MAP2: variants seen among roughly 807,000 people sequenced by gnomAD.
MAP2 encodes microtubule associated protein 2, also known as microtubule-associated protein 2.
In MAP2, 14 loss-of-function variants were observed where a neutral mutation model predicts 137.6. That is an observed-to-expected ratio of 0.10 (90% CI 0.07 to 0.16). The LOEUF (loss-of-function observed/expected upper bound fraction) is 0.16. Among genes scored for constraint, MAP2 ranks in the 10% least tolerant of loss-of-function variants. MAP2 has a pLI of 1.00. For missense variants in MAP2, 2,088 were observed against 2,191.5 expected (o/e 0.95, Z 0.94); for synonymous variants, 786 against 782.3 (o/e 1.00, Z -0.08).
chr2:209,725,860 T>C, intron 14 of MAP2, 70 bp downstream of exon 14: 1 of 990,450 alleles, frequency 1.0e-6, no homozygotes, highest in Non-Finnish European at 1.5e-6. Flanking sequence ...GAAAATTTTT[T>C]GTTGTTGCAA....
At chr2:209,716,813 G>A (rs73074716) in intron 13 of MAP2, among the ~76,000 whole-genome samples, 10,979 of 152,028 alleles carry the variant, frequency 0.072, 754 homozygotes, top group African/African-American at 0.18. Context: ...CATTTAAATA[G>A]ACTCTTAAAT....
rs552227651 is a variant in MAP2, at chr2:209,592,288, C to T, written c.-107+12188C>T. 1.2e-4 allele frequency among the ~76,000 whole-genome samples: 18 copies of T among 152,216 alleles called. 1 individual carries two copies. In the South Asian group the frequency reaches 1.9e-3, roughly 16 times the overall value. ...TAGATAATAAGTAAATGAATAGGCA[C>T]GGCTGTGTTTCAATAAAACATTATT... On this transcript the variant is annotated intron_variant, in intron 3 of 15. Transcript: ENST00000682079.
At chr2:209,599,374 C>A (rs1488825705) in intron 3 of MAP2, among the ~76,000 whole-genome samples, 1 of 152,046 alleles carries the variant, frequency 6.6e-6, no homozygotes, top group Non-Finnish European at 1.5e-5. Flanking sequence ...ATTCTCTTCT[C>A]TTCACCCAAA....
At chr2:209,585,544 A>T (rs1040317224) in intron 3 of MAP2, among the ~76,000 whole-genome samples, 1 of 152,138 alleles carries the variant, frequency 6.6e-6, no homozygotes, top group African/African-American at 2.4e-5. Flanking sequence ...TATTGCTTTT[A>T]AAATTTCATA....
chr2:209,449,344 A>T (rs186339390), intron 1 of MAP2, among the ~76,000 whole-genome samples: 55 of 152,314 alleles, frequency 3.6e-4, no homozygotes, highest in African/African-American at 1.1e-3. Context: ...CACGCTCCTT[A>T]TTCCAGAACT....
chr2:209,638,186 A>G (rs2093719118), intron 4 of MAP2, among the ~76,000 whole-genome samples: 2 of 152,134 alleles, frequency 1.3e-5, no homozygotes, highest in African/African-American at 4.8e-5. Flanking sequence ...TTGACAGAAT[A>G]CAAGTAGCAT....
chr2:209,534,323 C>T (rs1028225981), intron 2 of MAP2, among the ~76,000 whole-genome samples: 4 of 152,106 alleles, frequency 2.6e-5, no homozygotes, highest in Non-Finnish European at 5.9e-5. Context: ...ATGGTTTTGC[C>T]CAAGGCCACT....
chr2:209,468,170 AG>A (rs1199814463), intron 1 of MAP2, among the ~76,000 whole-genome samples: 1 of 151,864 alleles, frequency 6.6e-6, no homozygotes, highest in Admixed American at 6.6e-5. Flanking sequence ...TCATCTCGGT[AG>A]TTGACTAGTC....
At chr2:209,563,966 T>G (rs2072795620) in intron 2 of MAP2, among the ~76,000 whole-genome samples, 1 of 152,206 alleles carries the variant, frequency 6.6e-6, no homozygotes, top group African/African-American at 2.4e-5. Context: ...GTAGATCTTA[T>G]TTAAAGCATA....
At chr2:209,585,963 C>A (rs60497472) in intron 3 of MAP2, among the ~76,000 whole-genome samples, 25,955 of 151,964 alleles carry the variant, frequency 0.17, 3,245 homozygotes, top group African/African-American at 0.35. Context: ...TTCTATTATA[C>A]CCACTTTACT....
At chr2:209,725,995 A>G (rs929150883) in intron 14 of MAP2, among the ~76,000 whole-genome samples, 1 of 152,222 alleles carries the variant, frequency 6.6e-6, no homozygotes, top group Admixed American at 6.5e-5. Flanking sequence ...TGAAGAGGAC[A>G]CATTTTAATT....
At chr2:209,680,572 T>C (rs886894431) in intron 6 of MAP2, among the ~76,000 whole-genome samples, 178 bp from the exon 7 acceptor site, 3 of 152,100 alleles carry the variant, frequency 2.0e-5, no homozygotes, top group African/African-American at 7.2e-5. Flanking sequence ...ATTTTTTAGG[T>C]TTTCAAAAAT....
chr2:209,678,578 T>C lies in MAP2; in HGVS notation c.269T>C (p.Val90Ala). The change falls in exon 6 of 16, where the codon GTG becomes GCG. Residue 90 changes from valine (V) to alanine (A), a missense_variant. Val to Ala is a moderately conservative substitution (Grantham distance 64). This residue lies in a region of MAP2 where 859 missense variants were observed against 794.5 expected (regional missense o/e 1.08). Transcript: ENST00000682079. ...TTGTTACTGTTTATTACAGAGGAGG[T>C]GTCTGCAAGGATAGTTCAAGTAGTC... ...TSADRETAEE[V>A]SARIVQVVTA... 6.5e-7 allele frequency: 1 copy of C among 1,541,448 alleles called. No homozygotes were observed. Among genetic ancestry groups the C allele is most frequent in the Non-Finnish European group, 8.8e-7 (1 of 1,134,578 alleles).
At chr2:209,705,487 A>G in intron 11 of MAP2, 93 bp from the exon 12 acceptor site, 1 of 1,031,596 alleles carries the variant, frequency 9.7e-7, no homozygotes, top group Non-Finnish European at 1.4e-6. Context: ...AAATTCATTT[A>G]TTAGCACAGG....
chr2:209,499,347 C>T (rs1430793391), intron 1 of MAP2, among the ~76,000 whole-genome samples: 7 of 152,124 alleles, frequency 4.6e-5, no homozygotes, highest in Non-Finnish European at 1.0e-4. Flanking sequence ...CCTCATCAGC[C>T]TGGATTTTGC....
At chr2:209,502,485 A>G (rs576412375) in intron 1 of MAP2, among the ~76,000 whole-genome samples, 2 of 152,276 alleles carry the variant, frequency 1.3e-5, no homozygotes, top group Admixed American at 1.3e-4. Context: ...TAATCCATTC[A>G]TCTGTTGATA....
chr2:209,554,535 C>G (rs1171839337), intron 2 of MAP2, among the ~76,000 whole-genome samples: 1 of 152,082 alleles, frequency 6.6e-6, no homozygotes, highest in Admixed American at 6.6e-5. Context: ...TGCCTGTAAT[C>G]CTAGTACTTT....
chr2:209,559,824 AT>A (rs150544735), intron 2 of MAP2, among the ~76,000 whole-genome samples: 2,994 of 149,242 alleles, frequency 0.02, 96 homozygotes, highest in African/African-American at 0.07. Context: ...AGTCAGCCAC[AT>A]TTTTTTTTCA....
At chr2:209,709,847 G>T in intron 12 of MAP2, 67 bp from the exon 13 acceptor site, 1 of 1,124,038 alleles carries the variant, frequency 8.9e-7, no homozygotes. Context: ...ACAATCTATG[G>T]GAAGAGGGAT....
Sources: gnomAD v4.1 joint callset for allele counts (sites outside exome capture counted in the v4.1 genomes callset) on GRCh38, gnomAD v4.1.1 for gene constraint, gnomAD v4.1.1 regional missense constraint, MANE v1.5 for transcripts, NCBI Gene and HGNC (gene_info 2026-07-23, HGNC 2026-07-21) for gene names.